SLC24A2: variants seen among roughly 807,000 people sequenced by gnomAD.
The protein encoded by SLC24A2 is solute carrier family 24 member 2.
A neutral mutation model predicts 62.0 loss-of-function variants in SLC24A2; 36 were observed. The ratio of observed to expected loss-of-function variants is 0.58; its 90% CI spans 0.44 to 0.77. The LOEUF (loss-of-function observed/expected upper bound fraction) is 0.77. SLC24A2 is among the 30% of genes least tolerant of loss of function. The pLI is 0.00. For missense variants in SLC24A2, 846 were observed against 817.9 expected (o/e 1.03, Z -0.42); for synonymous variants, 358 against 294.0 (o/e 1.22, Z -2.23).
the SLC24A2 span, chr9:19,895,816 C>G: frequency 6.2e-7 from 1 of 1,600,800 alleles, no homozygotes; most frequent in Non-Finnish European, 8.5e-7. Context: ...TGGGTTGCAG[C>G]TGGTGTGGAA....
intron 2 of SLC24A2, among the ~76,000 whole-genome samples, chr9:19,680,605 C>CATATATATATATATATATAT (rs3086327): frequency 6.8e-6 from 1 of 147,612 alleles, no homozygotes; most frequent in African/African-American, 2.5e-5. Flanking sequence ...AGTTCTATAA[C>CATATATATATATATATATAT]ATATATATAT....
intron 2 of SLC24A2, among the ~76,000 whole-genome samples, chr9:19,646,805 T>A (rs1039491308): frequency 8.5e-5 from 13 of 152,110 alleles, no homozygotes; most frequent in African/African-American, 2.9e-4. Flanking sequence ...CAGGTATGTA[T>A]TTCCCACTGC....
the SLC24A2 span, among the ~76,000 whole-genome samples, chr9:19,940,006 A>G: frequency 1.4e-4 from 21 of 152,226 alleles, no homozygotes; most frequent in African/African-American, 3.9e-4. Flanking sequence ...CTGATTGAAC[A>G]CTTCTCTGTA....
At chr9:19,744,443 T>C (rs897713793) in intron 2 of SLC24A2, among the ~76,000 whole-genome samples, 6 of 152,158 alleles carry the variant, frequency 3.9e-5, no homozygotes, top group Non-Finnish European at 7.4e-5. Flanking sequence ...TTTACCTTGT[T>C]AGATTTTATG....
chr9:19,651,475 T>A (rs1237552893), intron 2 of SLC24A2, among the ~76,000 whole-genome samples: 1 of 152,222 alleles, frequency 6.6e-6, no homozygotes, highest in East Asian at 1.9e-4. Context: ...CACTTCACAT[T>A]GTAGCCAGTG....
the SLC24A2 span, among the ~76,000 whole-genome samples, chr9:19,890,362 G>A: frequency 6.6e-6 from 1 of 152,184 alleles, no homozygotes; most frequent in Non-Finnish European, 1.5e-5. Context: ...AGGACCACTG[G>A]AGGCTATTTT....
chr9:19,533,625 C>T (rs1833811702), intron 8 of SLC24A2, among the ~76,000 whole-genome samples: 1 of 152,220 alleles, frequency 6.6e-6, no homozygotes. Context: ...CAGAGACAAG[C>T]TGTTCCAGCT....
At chr9:19,712,909 ACTT>A (rs1184994857) in intron 2 of SLC24A2, among the ~76,000 whole-genome samples, 2 of 151,992 alleles carry the variant, frequency 1.3e-5, no homozygotes, top group African/African-American at 4.8e-5. Flanking sequence ...ACAATTAAAA[ACTT>A]CTCCAGACAC....
In SLC24A2 at chr9:19,513,184, AT is replaced by A. The variant is rs1473965813; in HGVS notation, c.*2968del. ...TATATATATATATATATGTATATAT[AT>A]ATATATGTATATATTTATATATGTA... On this transcript the variant is annotated 3_prime_UTR_variant, in exon 11 of 11. Coordinates refer to ENST00000341998, the MANE Select transcript of SLC24A2 (RefSeq NM_020344.4). 1.1e-5 allele frequency: 1 copy of A among 93,448 alleles called. No individual in the cohort carries two copies. The highest frequency in any genetic ancestry group is 3.9e-4 in the East Asian group (1 of 2,594). 5.8% of individuals were successfully genotyped at this position (93,448 alleles called of 1,614,324 possible).
chr9:19,938,298 G>T, the SLC24A2 span, among the ~76,000 whole-genome samples: 2 of 152,052 alleles, frequency 1.3e-5, no homozygotes, highest in African/African-American at 4.8e-5. Context: ...AGGTTGAATT[G>T]ATAGGTTCTT....
At chr9:20,118,685 A>G in the SLC24A2 span, among the ~76,000 whole-genome samples, 1 of 152,094 alleles carries the variant, frequency 6.6e-6, no homozygotes. Context: ...AATGAAAATC[A>G]TTTTCAAAAG....
At chr9:19,788,373 C>G (rs1823242463) in intron 1 of SLC24A2, among the ~76,000 whole-genome samples, 1 of 152,224 alleles carries the variant, frequency 6.6e-6, no homozygotes, top group Non-Finnish European at 1.5e-5. Context: ...ATCTCCAGCC[C>G]GATCCTCGCT....
chr9:20,269,704 C>T, the SLC24A2 span, among the ~76,000 whole-genome samples: 2 of 152,184 alleles, frequency 1.3e-5, no homozygotes, highest in African/African-American at 4.8e-5. Context: ...TCCTTAGAGG[C>T]TTACCTTCTG....
At chr9:19,588,275 G>A (rs1350607495) in intron 5 of SLC24A2, among the ~76,000 whole-genome samples, 1 of 150,026 alleles carries the variant, frequency 6.7e-6, no homozygotes, top group Non-Finnish European at 1.5e-5. Flanking sequence ...TGAACTGTAT[G>A]AGTTAAGCCA....
chr9:19,880,142 A>C, the SLC24A2 span, among the ~76,000 whole-genome samples: 1 of 152,162 alleles, frequency 6.6e-6, no homozygotes, highest in South Asian at 2.1e-4. Context: ...TTATAATGCA[A>C]TTACTTTTTT....
At chr9:19,521,729 C>A (rs1833208659) in intron 9 of SLC24A2, among the ~76,000 whole-genome samples, 1 of 152,180 alleles carries the variant, frequency 6.6e-6, no homozygotes, top group African/African-American at 2.4e-5. Flanking sequence ...TCCTCACTTT[C>A]TCATCCATAA....
At chr9:19,689,089 T>C (rs1213217070) in intron 2 of SLC24A2, among the ~76,000 whole-genome samples, 1 of 152,208 alleles carries the variant, frequency 6.6e-6, no homozygotes, top group Non-Finnish European at 1.5e-5. Flanking sequence ...GTTTTACTTT[T>C]ATTATTTCAT....
chr9:19,544,747 A>C (rs1563950141), intron 8 of SLC24A2, among the ~76,000 whole-genome samples: 1 of 152,164 alleles, frequency 6.6e-6, no homozygotes, highest in Non-Finnish European at 1.5e-5. Context: ...AATGTTGAAT[A>C]TTGGCCCCCA....
At chr9:20,135,943 A>C in the SLC24A2 span, among the ~76,000 whole-genome samples, 2 of 152,054 alleles carry the variant, frequency 1.3e-5, no homozygotes, top group Non-Finnish European at 2.9e-5. Context: ...CGACTTAGCC[A>C]CTCATTTATT....
Sources: allele counts gnomAD v4.1 joint callset (sites outside exome capture counted in the v4.1 genomes callset), GRCh38; gene constraint gnomAD v4.1.1; transcripts MANE v1.5; gene names NCBI Gene and HGNC (gene_info 2026-07-23, HGNC 2026-07-21).